ASIC2: variants seen among roughly 807,000 people sequenced by gnomAD.
ASIC2 encodes acid sensing ion channel subunit 2.
A neutral mutation model predicts 57.3 loss-of-function variants in ASIC2; 25 were observed. The ratio of observed to expected loss-of-function variants is 0.44; its 90% CI spans 0.32 to 0.61. ASIC2 has a LOEUF of 0.61. ASIC2 is among the 20% of genes least tolerant of loss of function. The pLI is 0.06. For synonymous variants in ASIC2, 319 were observed against 307.5 expected (o/e 1.04, Z -0.39); for missense variants, 641 against 738.1 (o/e 0.87, Z 1.52).
At chr17:33,166,100 A>G (rs113956741) in intron 1 of ASIC2, among the ~76,000 whole-genome samples, 5 of 152,312 alleles carry the variant, frequency 3.3e-5, no homozygotes, top group African/African-American at 1.2e-4. Flanking sequence ...CCAGGCTGTG[A>G]GACCTTGTGC....
chr17:34,149,475 G>A (rs551066109), intron 1 of ASIC2, among the ~76,000 whole-genome samples: 1 of 152,286 alleles, frequency 6.6e-6, no homozygotes, highest in South Asian at 2.1e-4. Context: ...GCAAAAAGAA[G>A]CTTGAAAACA....
chr17:33,736,400 T>C (rs1909912041), intron 1 of ASIC2, among the ~76,000 whole-genome samples: 1 of 152,040 alleles, frequency 6.6e-6, no homozygotes, highest in South Asian at 2.1e-4. Flanking sequence ...GGAAATACAT[T>C]TTCTATTACC....
chr17:33,765,138 C>T (rs1910896860), intron 1 of ASIC2, among the ~76,000 whole-genome samples: 1 of 151,982 alleles, frequency 6.6e-6, no homozygotes, highest in African/African-American at 2.4e-5. Flanking sequence ...CGGAGTCTCG[C>T]TCTGTCGCCC....
intron 1 of ASIC2, among the ~76,000 whole-genome samples, chr17:33,747,286 T>C (rs964972071): frequency 6.1e-5 from 9 of 147,888 alleles, no homozygotes; most frequent in African/African-American, 2.3e-4. Flanking sequence ...TGCAGTGGCA[T>C]GATCACGGCT....
chr17:33,426,625 C>G (rs576894440), intron 1 of ASIC2, among the ~76,000 whole-genome samples: 1 of 152,338 alleles, frequency 6.6e-6, no homozygotes, highest in South Asian at 2.1e-4. Context: ...GCTACCTGGA[C>G]AGGCAGCCTT....
chr17:33,905,313 C>A (rs1252179036), intron 1 of ASIC2, among the ~76,000 whole-genome samples: 1 of 152,132 alleles, frequency 6.6e-6, no homozygotes, highest in Admixed American at 6.5e-5. Context: ...CTGACCAGAG[C>A]ATTGAGACAC....
chr17:33,291,378 G>C (rs1238406588), intron 1 of ASIC2, 30 bp downstream of exon 1: 4 of 1,571,798 alleles, frequency 2.5e-6, no homozygotes, highest in Non-Finnish European at 3.4e-6. Flanking sequence ...GGGGCGCAGA[G>C]GGAGCGGGTT....
intron 1 of ASIC2, among the ~76,000 whole-genome samples, chr17:33,580,639 T>C (rs1013113185): frequency 1.4e-4 from 22 of 152,052 alleles, no homozygotes; most frequent in Non-Finnish European, 2.9e-5. Flanking sequence ...GAGTGAAGAC[T>C]CAATGACCCC....
rs1005617442 is a variant in ASIC2, at chr17:33,398,070, C to T, written c.556-286003G>A. ...GGAGATGCCTCTGTCTATTCTCTTTCCTTGGTGTCCTGACACTAACCGACT... is the reference window on the plus strand; with the variant it reads ...GGAGATGCCTCTGTCTATTCTCTTTTCTTGGTGTCCTGACACTAACCGACT... On this transcript the variant is annotated intron_variant, in intron 1 of 9. Coordinates refer to the ASIC2 transcript ENST00000359872. Among the ~76,000 whole-genome samples the T allele has an allele frequency of 3.9e-5, 6 of 152,292 alleles. No individual in the cohort carries two copies. In the East Asian group the frequency reaches 1.2e-3, roughly 29 times the overall value.
intron 1 of ASIC2, among the ~76,000 whole-genome samples, chr17:34,061,170 T>C (rs879868744): frequency 9.2e-5 from 14 of 152,058 alleles, no homozygotes; most frequent in Admixed American, 6.6e-4. Context: ...CCCAACAAAC[T>C]AGAAGGGATT....
Position 33,104,885 on chromosome 17 carries a change from C to T in ASIC2, c.859+7032G>A, listed in dbSNP as rs550711506. 3.9e-5 allele frequency among the ~76,000 whole-genome samples: 6 copies of T among 152,276 alleles called. No individual in the cohort carries two copies. The South Asian group carries it at 1.2e-3, about 32-fold the overall frequency. ...TTGGGAAGCTTACAACCTCTCTGGG[C>T]TCTGTGTCCTCATCCTACAATGAGG... On this transcript the variant is annotated intron_variant, in intron 2 of 9. Coordinates refer to ENST00000225823, the MANE Select transcript of ASIC2 (RefSeq NM_183377.2).
intron 1 of ASIC2, among the ~76,000 whole-genome samples, chr17:33,766,579 G>A (rs1005926874): frequency 7.9e-5 from 12 of 152,142 alleles, no homozygotes; most frequent in African/African-American, 2.7e-4. Flanking sequence ...CTTGTTTTTG[G>A]TGGCTTCTTT....
intron 1 of ASIC2, among the ~76,000 whole-genome samples, chr17:33,479,573 G>C (rs191949978): frequency 2.0e-5 from 3 of 152,318 alleles, no homozygotes; most frequent in Admixed American, 2.0e-4. Flanking sequence ...GGGAACACTG[G>C]ATGGGGGTGT....
chr17:33,540,897 G>C (rs906795150), intron 1 of ASIC2, among the ~76,000 whole-genome samples: 2 of 152,142 alleles, frequency 1.3e-5, no homozygotes, highest in South Asian at 4.2e-4. Context: ...ATTTCACATC[G>C]TTGTTGCAAT....
intron 1 of ASIC2, among the ~76,000 whole-genome samples, chr17:33,987,512 C>T (rs1905859615): frequency 6.6e-6 from 1 of 152,188 alleles, no homozygotes; most frequent in Admixed American, 6.5e-5. Flanking sequence ...TATTCAGTCA[C>T]CTCATTTGAA....
chr17:33,814,076 T>G (rs1412920310), intron 1 of ASIC2, among the ~76,000 whole-genome samples: 1 of 152,042 alleles, frequency 6.6e-6, no homozygotes, highest in Non-Finnish European at 1.5e-5. Flanking sequence ...GGGACTTGCA[T>G]GGAGAAATGA....
intron 1 of ASIC2, among the ~76,000 whole-genome samples, chr17:33,462,554 ATGT>A (rs1200340749): frequency 6.6e-6 from 1 of 152,194 alleles, no homozygotes; most frequent in Non-Finnish European, 1.5e-5. Context: ...CCTTCCACCC[ATGT>A]CTCACTGCAG....
intron 1 of ASIC2, among the ~76,000 whole-genome samples, chr17:33,410,451 C>A (rs529587975): frequency 6.6e-6 from 1 of 152,178 alleles, no homozygotes; most frequent in Non-Finnish European, 1.5e-5. Flanking sequence ...AATTAATAAT[C>A]CAGCTTAGGT....
At chr17:33,620,273 T>G (rs2142020689) in intron 1 of ASIC2, among the ~76,000 whole-genome samples, 1 of 148,316 alleles carries the variant, frequency 6.7e-6, no homozygotes, top group African/African-American at 2.5e-5. Flanking sequence ...ACGTCCTGCA[T>G]TTTCCATACT....
Sources: gnomAD v4.1 joint callset for allele counts (sites outside exome capture counted in the v4.1 genomes callset) on GRCh38, gnomAD v4.1.1 for gene constraint, MANE v1.5 for transcripts, NCBI Gene and HGNC (gene_info 2026-07-23, HGNC 2026-07-21) for gene names.